The following PLSCR4 variants were observed in gnomAD, a reference collection of about 807,000 sequenced individuals.
PLSCR4 encodes phospholipid scramblase 4, also known as Ca(2+)-dependent phospholipid scramblase 4.
PLSCR4 carries 25 observed loss-of-function variants against 36.3 expected under a neutral mutation model. That is an observed-to-expected ratio of 0.69 (90% CI 0.50 to 0.96). The LOEUF (loss-of-function observed/expected upper bound fraction) is 0.96, where lower values mean the gene tolerates loss of function less well. Ranked by LOEUF, PLSCR4 falls within the 40% of genes least tolerant of loss-of-function variation. The probability of loss-of-function intolerance (pLI) is 0.00; values close to 1 mark genes in which losing one functional copy is unlikely to be tolerated. For missense variants in PLSCR4, 408 were observed against 414.7 expected (o/e 0.98, Z 0.14); for synonymous variants, 122 against 132.9 (o/e 0.92, Z 0.56).
chr3:146,225,590 T>C, intron 1 of PLSCR4, among the ~76,000 whole-genome samples: 1 of 152,200 alleles, frequency 6.6e-6, no homozygotes, highest in East Asian at 1.9e-4. Context: ...GGAAGGCAGC[T>C]AAGGCTTGGT....
chr3:146,243,436 A>G (rs1264650353), intron 1 of PLSCR4, among the ~76,000 whole-genome samples: 1 of 152,208 alleles, frequency 6.6e-6, no homozygotes, highest in Non-Finnish European at 1.5e-5. Context: ...GGATGAACCA[A>G]TCTCTAACTT....
intron 7 of PLSCR4, 149 bp downstream of exon 7, chr3:146,196,483 A>C (rs1255650024): frequency 2.7e-6 from 2 of 730,174 alleles, no homozygotes; most frequent in African/African-American, 3.5e-5. Flanking sequence ...ATAACTTTAA[A>C]ATCTTTTGAT....
intron 3 of PLSCR4, among the ~76,000 whole-genome samples, chr3:146,217,965 A>G (rs551316479): frequency 6.6e-6 from 1 of 152,170 alleles, no homozygotes; most frequent in East Asian, 1.9e-4. Context: ...CTGGGAGAGG[A>G]GAGAGAAGGA....
At chr3:146,209,189 C>T (rs1278874378) in intron 3 of PLSCR4, among the ~76,000 whole-genome samples, 2 of 151,786 alleles carry the variant, frequency 1.3e-5, no homozygotes, top group Non-Finnish European at 1.5e-5. Flanking sequence ...TGTTCTCACA[C>T]GTAAGTGGGA....
At chr3:146,205,242 C>A (rs1357672713) in intron 4 of PLSCR4, among the ~76,000 whole-genome samples, 2 of 151,992 alleles carry the variant, frequency 1.3e-5, no homozygotes, top group Non-Finnish European at 2.9e-5. Flanking sequence ...CCCTCTTATC[C>A]TCAGGGGATA....
chr3:146,196,157 A>G (rs1374878928), intron 7 of PLSCR4, among the ~76,000 whole-genome samples: 2 of 152,164 alleles, frequency 1.3e-5, no homozygotes, highest in African/African-American at 4.8e-5. Context: ...AGTTTTATCC[A>G]TATTGTTAGT....
At chr3:146,224,369 A>G (rs920315155) in intron 1 of PLSCR4, among the ~76,000 whole-genome samples, 2 of 152,214 alleles carry the variant, frequency 1.3e-5, no homozygotes, top group Non-Finnish European at 2.9e-5. Context: ...ACTGGAGAAT[A>G]CATGTAGTAT....
chr3:146,194,569 A>G (rs376170671), intron 8 of PLSCR4, 114 bp from the exon 9 acceptor site: 1 of 639,182 alleles, frequency 1.6e-6, no homozygotes, highest in Non-Finnish European at 2.7e-6. Context: ...AAATACATAA[A>G]TTTAGGGAAA....
At chr3:146,225,053 T>C (rs368427294) in intron 1 of PLSCR4, among the ~76,000 whole-genome samples, 5 of 143,164 alleles carry the variant, frequency 3.5e-5, no homozygotes, top group Admixed American at 7.1e-5. Flanking sequence ...AGAGTGCCAA[T>C]TGGTGTATTT....
rs2033555890 is a variant in PLSCR4 at position 146,193,880 on chromosome 3, G to A, written c.*531C>T. 6.6e-6 allele frequency: 1 copy of A among 152,246 alleles called. No homozygotes were observed. Among genetic ancestry groups the A allele is most frequent in the Non-Finnish European group, 1.5e-5 (1 of 68,066 alleles). The allele number at this position is 152,246 out of a possible 1,614,324, so 9.4% of individuals were successfully genotyped here. ...TGCAGAATGAGGTTTTGATATATGT[G>A]TACAAGTAGTACCTTCTTAGTGCAA... is the stretch of plus-strand genomic sequence containing the variant. On this transcript the variant is annotated 3_prime_UTR_variant, in exon 9 of 9. Coordinates refer to ENST00000354952, the MANE Select transcript of PLSCR4 (RefSeq NM_020353.3).
intron 3 of PLSCR4, among the ~76,000 whole-genome samples, chr3:146,210,713 A>G (rs540331465): frequency 8.5e-5 from 13 of 152,160 alleles, no homozygotes; most frequent in Admixed American, 2.6e-4. Context: ...ATCATACCAG[A>G]AAGAACACCC....
chr3:146,204,020 G>A (rs548511791), intron 4 of PLSCR4, among the ~76,000 whole-genome samples: 2 of 151,964 alleles, frequency 1.3e-5, no homozygotes, highest in Non-Finnish European at 2.9e-5. Flanking sequence ...AGTGAGAGAT[G>A]TGCAATTGTT....
intron 1 of PLSCR4, among the ~76,000 whole-genome samples, chr3:146,224,766 G>A (rs113175968): frequency 0.013 from 2,041 of 152,140 alleles, 32 homozygotes; most frequent in African/African-American, 0.04. Context: ...TGGTAGAGCC[G>A]AGTGGCCTGT....
intron 1 of PLSCR4, among the ~76,000 whole-genome samples, chr3:146,244,868 A>C (rs1297334310): frequency 2.0e-5 from 3 of 152,170 alleles, no homozygotes. Context: ...GCCAAAAGCT[A>C]GGCCTAGATT....
At position 146,192,999 on chromosome 3, in the gene PLSCR4, A is replaced by C. The variant is rs1333840254; in HGVS notation, c.*1412T>G. On this transcript the variant is annotated 3_prime_UTR_variant, in exon 9 of 9. Transcript: ENST00000354952. ...ATCTAAGAACACTCAGGCTTTCTTT[A>C]TTTAATAAGCAGCAGCAGAAGAATA... 6.6e-6 allele frequency: 1 copy of C among 152,048 alleles called. No homozygotes were observed. The highest frequency in any genetic ancestry group is 1.5e-5 in the Non-Finnish European group (1 of 67,980). The allele number at this position is 152,048 out of a possible 1,614,324, so 9.4% of individuals were successfully genotyped here. A position where few individuals can be genotyped will look rare whatever the true frequency, so the allele number is the denominator to read the frequency against.
chr3:146,235,795 G>A (rs1249025870), intron 1 of PLSCR4, among the ~76,000 whole-genome samples: 1 of 152,112 alleles, frequency 6.6e-6, no homozygotes, highest in Non-Finnish European at 1.5e-5. Context: ...AGTCTCAGAG[G>A]GAAATGACAG....
intron 1 of PLSCR4, among the ~76,000 whole-genome samples, chr3:146,239,748 T>A (rs2036070044): frequency 6.6e-6 from 1 of 152,038 alleles, no homozygotes; most frequent in African/African-American, 2.4e-5. Flanking sequence ...CTGGGCATGG[T>A]GGCACATGCC....
chr3:146,205,692 T>C (rs987257615), intron 4 of PLSCR4, among the ~76,000 whole-genome samples: 1 of 152,066 alleles, frequency 6.6e-6, no homozygotes, highest in African/African-American at 2.4e-5. Flanking sequence ...CAAGATTTCA[T>C]CATGCTACTC....
intron 4 of PLSCR4, among the ~76,000 whole-genome samples, chr3:146,206,029 A>G (rs1162023224): frequency 6.6e-6 from 1 of 152,048 alleles, no homozygotes; most frequent in East Asian, 1.9e-4. Context: ...GCCTGAAGCA[A>G]TATTCTTTGT....
Sources: gnomAD v4.1 joint callset for allele counts (sites outside exome capture counted in the v4.1 genomes callset) on GRCh38, gnomAD v4.1.1 for gene constraint, MANE v1.5 for transcripts, NCBI Gene and HGNC (gene_info 2026-07-23, HGNC 2026-07-21) for gene names.